The following ADGB variants were observed in gnomAD, a reference collection of about 807,000 sequenced individuals.
The protein encoded by ADGB is androglobin, also known as calpain-7-like protein.
In ADGB, 172 loss-of-function variants were observed where a neutral mutation model predicts 210.5. The ratio of observed to expected loss-of-function variants is 0.82; its 90% CI spans 0.72 to 0.93. The LOEUF (loss-of-function observed/expected upper bound fraction) is 0.93, where lower values mean the gene tolerates loss of function less well. ADGB is among the 40% of genes least tolerant of loss of function. The probability of loss-of-function intolerance (pLI) is 0.00; values close to 1 mark genes in which losing one functional copy is unlikely to be tolerated. For synonymous variants in ADGB, 658 were observed against 662.7 expected, an observed-to-expected ratio of 0.99 and a Z score of 0.11; for missense variants, 2,025 against 1,964.8, an observed-to-expected ratio of 1.03 and a Z score of -0.58.
intron 13 of ADGB, among the ~76,000 whole-genome samples, chr6:146,712,783 A>G (rs1776677622): frequency 1.3e-5 from 2 of 152,270 alleles, no homozygotes; most frequent in South Asian, 4.1e-4. Context: ...AACATTTACC[A>G]TCTTAACCAT....
At chr6:146,662,351 A>G (rs970604670) in intron 5 of ADGB, among the ~76,000 whole-genome samples, 2 of 152,034 alleles carry the variant, frequency 1.3e-5, no homozygotes, top group Non-Finnish European at 2.9e-5. Flanking sequence ...TGTTATTCGT[A>G]ATTTCTATTG....
rs527433103 is a variant in ADGB at position 146,754,250 on chromosome 6, T to C, written c.3550+1536T>C. On this transcript the variant is annotated intron_variant, in intron 27 of 35. Coordinates refer to ENST00000397944, the MANE Select transcript of ADGB (RefSeq NM_024694.4). Reference sequence around the variant, plus strand: ...TTTGTATAAATATAATGTATTCTTTTTTATTTATTTTTAATTTATTCCTAA... The same window carrying C: ...TTTGTATAAATATAATGTATTCTTTCTTATTTATTTTTAATTTATTCCTAA... 1.3e-4 allele frequency among the ~76,000 whole-genome samples: 20 copies of C among 151,394 alleles called. No individual in the cohort carries two copies. The South Asian group carries it at 3.3e-3, about 25-fold the overall frequency.
intron 19 of ADGB, 99 bp from the exon 20 acceptor site, chr6:146,728,475 C>A (rs1324004655): frequency 2.6e-6 from 3 of 1,144,684 alleles, no homozygotes; most frequent in African/African-American, 3.1e-5. Context: ...ATTATTGAAT[C>A]ATATAGCAGA....
At chr6:146,792,504 T>C (rs966427071) in intron 33 of ADGB, among the ~76,000 whole-genome samples, 3 of 152,094 alleles carry the variant, frequency 2.0e-5, no homozygotes, top group African/African-American at 7.2e-5. Context: ...ATAATCATGA[T>C]TCATCATTTT....
chr6:146,803,242 G>T, intron 35 of ADGB: 1 of 1,570,996 alleles, frequency 6.4e-7, no homozygotes, highest in Non-Finnish European at 8.8e-7. Context: ...AACAAAACTT[G>T]GACCATTGTT....
chr6:146,738,737 C>T (rs950029369), intron 23 of ADGB, among the ~76,000 whole-genome samples: 4 of 152,124 alleles, frequency 2.6e-5, no homozygotes, highest in Admixed American at 2.6e-4. Flanking sequence ...GGATTACAGG[C>T]GTGAGCCACT....
chr6:146,785,476 T>C, intron 31 of ADGB, 134 bp from the exon 32 acceptor site: 1 of 532,514 alleles, frequency 1.9e-6, no homozygotes, highest in South Asian at 3.7e-5. Context: ...AGAGCTGGTC[T>C]GCTTCATTTA....
intron 30 of ADGB, 50 bp from the exon 31 acceptor site, chr6:146,784,568 C>G (rs1218631646): frequency 7.2e-7 from 1 of 1,394,584 alleles, no homozygotes; most frequent in African/African-American, 1.5e-5. Context: ...AATCTAGACC[C>G]TTTTGAAAGA....
At chr6:146,607,249 T>A (rs575058346) in intron 1 of ADGB, among the ~76,000 whole-genome samples, 3 of 152,320 alleles carry the variant, frequency 2.0e-5, no homozygotes, top group Non-Finnish European at 4.4e-5. Flanking sequence ...ATTGGCTTTG[T>A]ATCCTGAAAG....
chr6:146,720,883 A>T (rs980947957), intron 16 of ADGB, among the ~76,000 whole-genome samples: 1 of 152,196 alleles, frequency 6.6e-6, no homozygotes, highest in African/African-American at 2.4e-5. Context: ...ACAATCTGAC[A>T]TGAGATTTGG....
intron 20 of ADGB, among the ~76,000 whole-genome samples, chr6:146,730,958 T>C (rs146972208): frequency 3.9e-4 from 59 of 152,066 alleles, no homozygotes; most frequent in African/African-American, 1.3e-3. Context: ...ATAAATAAGA[T>C]TTACATACAT....
Position 146,692,925 on chromosome 6 carries a change from A to T in ADGB, c.1577+10A>T. On this transcript the variant is annotated intron_variant, in intron 12 of 35. Transcript: ENST00000397944. Reference sequence around the variant, plus strand: ...CAATTCCAACAGAAATGTAAGTATTAACATTCTTCCTCACAAATGTGTCTT... The same window carrying T: ...CAATTCCAACAGAAATGTAAGTATTTACATTCTTCCTCACAAATGTGTCTT... 7.2e-7 allele frequency: 1 copy of T among 1,384,712 alleles called. No individual in the cohort carries two copies. Among genetic ancestry groups the T allele is most frequent in the Non-Finnish European group, 1.0e-6 (1 of 1,003,460 alleles). The allele number at this position is 1,384,712 out of a possible 1,614,324, so 85.8% of individuals were successfully genotyped here.
chr6:146,664,776 G>A (rs1775916128), intron 6 of ADGB, among the ~76,000 whole-genome samples: 1 of 152,012 alleles, frequency 6.6e-6, no homozygotes, highest in Non-Finnish European at 1.5e-5. Context: ...TCTGAAAGAT[G>A]TCAATGTACG....
intron 3 of ADGB, among the ~76,000 whole-genome samples, chr6:146,646,504 T>A (rs1775614136): frequency 6.6e-6 from 1 of 152,144 alleles, no homozygotes; most frequent in African/African-American, 2.4e-5. Context: ...TTTTATTGTG[T>A]TGAGCTATCA....
In ADGB at chr6:146,650,534, GT is replaced by G. The variant is rs60334118; in HGVS notation, c.331-3590del. On this transcript the variant is annotated intron_variant, in intron 3 of 35. Coordinates refer to ENST00000397944, the MANE Select transcript of ADGB (RefSeq NM_024694.4). ...AGGTAAACTAGAAAATAATTCACAT[GT>G]TTTTTTTTTTCCTGCACAAAGCTTG... 9.2e-3 allele frequency among the ~76,000 whole-genome samples: 918 copies of G among 99,770 alleles called. 32 individuals carry two copies. The East Asian group carries it at 0.13, about 15-fold the overall frequency. The allele number at this position is 99,770 out of a possible 152,430, so 65.5% of individuals were successfully genotyped here. A position where few individuals can be genotyped will look rare whatever the true frequency, so the allele number is the denominator to read the frequency against.
rs71031006 is a variant in ADGB at position 146,691,449 on chromosome 6, T to TAA, written c.1486+160_1486+161insAA. 1.3e-3 allele frequency among the ~76,000 whole-genome samples: 71 copies of TAA among 55,854 alleles called. 1 individual carries two copies. Among genetic ancestry groups the TAA allele is most frequent in the Non-Finnish European group, 1.5e-3 (59 of 38,076 alleles). 36.6% of individuals were successfully genotyped at this position (55,854 alleles called of 152,430 possible). A position where few individuals can be genotyped will look rare whatever the true frequency, so the allele number is the denominator to read the frequency against. On this transcript the variant is annotated intron_variant, in intron 11 of 35. Transcript: ENST00000397944. ...ATATATATATATATATATAAAAATA[T>TAA]ATATATATAAAAATATATATATATA...
At chr6:146,790,311 C>T (rs1288478454) in intron 33 of ADGB, among the ~76,000 whole-genome samples, 1 of 152,126 alleles carries the variant, frequency 6.6e-6, no homozygotes. Context: ...ACTAACTATA[C>T]CCTTTGACCA....
chr6:146,736,646 C>A (rs1716298388), intron 23 of ADGB, 55 bp downstream of exon 23: 2 of 1,217,652 alleles, frequency 1.6e-6, no homozygotes, highest in Admixed American at 2.4e-5. Context: ...TGTCAAAGTC[C>A]AGTTTGAATA....
intron 35 of ADGB, chr6:146,802,562 A>G (rs1484522212): frequency 1.5e-5 from 7 of 462,674 alleles, no homozygotes; most frequent in Non-Finnish European, 2.7e-5. Flanking sequence ...AACAATCTAC[A>G]TAGTGCACTT....
Sources: allele counts gnomAD v4.1 joint callset (sites outside exome capture counted in the v4.1 genomes callset), GRCh38; gene constraint gnomAD v4.1.1; transcripts MANE v1.5; gene names NCBI Gene and HGNC (gene_info 2026-07-23, HGNC 2026-07-21).